Variants in RBFOX1 observed in about 807,000 individuals in gnomAD.
RBFOX1 encodes RNA binding fox-1 homolog 1, also known as RNA binding protein fox-1 homolog 1.
In RBFOX1, 8 loss-of-function variants were observed where a neutral mutation model predicts 57.7. The ratio of observed to expected loss-of-function variants is 0.14; its 90% confidence interval spans 0.08 to 0.25. The LOEUF (loss-of-function observed/expected upper bound fraction) is 0.25. RBFOX1 is among the 10% of genes least tolerant of loss of function. The probability of loss-of-function intolerance (pLI) is 1.00; values close to 1 mark genes in which losing one functional copy is unlikely to be tolerated. For synonymous variants in RBFOX1, 326 were observed against 222.4 expected, an observed-to-expected ratio of 1.47 and a Z score of -4.15; for missense variants, 611 against 548.5, an observed-to-expected ratio of 1.11 and a Z score of -1.14.
chr16:6,268,327 C>G (rs1162262479), intron 1 of RBFOX1, among the ~76,000 whole-genome samples: 3 of 152,216 alleles, frequency 2.0e-5, no homozygotes, highest in Admixed American at 2.0e-4. Context: ...GTGATGACCT[C>G]TGCTCCCATC....
At chr16:5,961,391 A>G (rs576951559) in intron 4 of RBFOX1, among the ~76,000 whole-genome samples, 20 of 152,186 alleles carry the variant, frequency 1.3e-4, no homozygotes, top group Non-Finnish European at 2.2e-4. Context: ...CCAGAACCTA[A>G]ATTCGGGTGG....
chr16:5,715,083 C>T (rs913795454), intron 3 of RBFOX1, among the ~76,000 whole-genome samples: 19 of 152,304 alleles, frequency 1.2e-4, no homozygotes, highest in African/African-American at 2.4e-4. Flanking sequence ...TTGACGCAGC[C>T]GCCTTGTTTA....
intron 1 of RBFOX1, among the ~76,000 whole-genome samples, chr16:6,221,294 A>G (rs897102387): frequency 1.3e-5 from 2 of 152,198 alleles, no homozygotes; most frequent in African/African-American, 4.8e-5. Context: ...TTTTCCTAAT[A>G]GAAACTGTAT....
intron 3 of RBFOX1, among the ~76,000 whole-genome samples, chr16:6,864,939 A>G (rs969341889): frequency 6.6e-6 from 1 of 151,542 alleles, no homozygotes; most frequent in Non-Finnish European, 1.5e-5. Context: ...ACAAAGGTCA[A>G]AAATAAGCCC....
chr16:5,307,305 A>G (rs1013077841), intron 1 of RBFOX1, among the ~76,000 whole-genome samples: 2 of 152,108 alleles, frequency 1.3e-5, no homozygotes, highest in Non-Finnish European at 2.9e-5. Context: ...ACCTGGTTTT[A>G]CTTCTCTTGA....
chr16:6,397,570 A>G (rs28638378), intron 2 of RBFOX1, among the ~76,000 whole-genome samples: 55,938 of 152,090 alleles, frequency 0.37, 11,556 homozygotes, highest in African/African-American at 0.57. Flanking sequence ...GTGAAAGGAA[A>G]TGATGCTAGG....
intron 1 of RBFOX1, among the ~76,000 whole-genome samples, chr16:6,276,756 A>G (rs1171545152): frequency 6.6e-6 from 1 of 151,802 alleles, no homozygotes; most frequent in Non-Finnish European, 1.5e-5. Context: ...ATTCTTTATC[A>G]CAGCATCCTG....
chr16:7,207,372 T>C (rs1204690804), intron 4 of RBFOX1, among the ~76,000 whole-genome samples: 4 of 152,160 alleles, frequency 2.6e-5, no homozygotes, highest in Admixed American at 2.0e-4. Flanking sequence ...TCCAAGAATC[T>C]TTATTTCTCT....
At chr16:7,245,901 T>G (rs1051672958) in intron 4 of RBFOX1, among the ~76,000 whole-genome samples, 8 of 152,178 alleles carry the variant, frequency 5.3e-5, no homozygotes, top group African/African-American at 1.9e-4. Flanking sequence ...CAAATAGATA[T>G]TCAATTCTCC....
chr16:6,924,653 A>G (rs1267537482), intron 3 of RBFOX1, among the ~76,000 whole-genome samples: 1 of 151,262 alleles, frequency 6.6e-6, no homozygotes, highest in Non-Finnish European at 1.5e-5. Context: ...ACTGTGATAA[A>G]ATATTTCTAC....
At chr16:7,430,879 C>T (rs868670037) in intron 4 of RBFOX1, among the ~76,000 whole-genome samples, 13 of 152,172 alleles carry the variant, frequency 8.5e-5, no homozygotes, top group African/African-American at 2.4e-4. Context: ...TATTAAATAA[C>T]GTGTATGATG....
At chr16:5,664,440 C>G (rs973041821) in intron 3 of RBFOX1, among the ~76,000 whole-genome samples, 1 of 151,922 alleles carries the variant, frequency 6.6e-6, no homozygotes, top group Admixed American at 6.6e-5. Context: ...GCCAGCTACT[C>G]GGGAGGCTGA....
chr16:6,234,376 C>T (rs981523234), intron 1 of RBFOX1, among the ~76,000 whole-genome samples: 1 of 152,156 alleles, frequency 6.6e-6, no homozygotes, highest in East Asian at 1.9e-4. Context: ...TGATTATTAT[C>T]TTCCTTCCAA....
chr16:6,262,388 G>A (rs1333225250), intron 1 of RBFOX1, among the ~76,000 whole-genome samples: 2 of 152,122 alleles, frequency 1.3e-5, no homozygotes, highest in African/African-American at 4.8e-5. Flanking sequence ...TAGATATTAT[G>A]GCGGTGGGGG....
chr16:6,662,470 A>G (rs536836598), intron 3 of RBFOX1, among the ~76,000 whole-genome samples: 2 of 152,264 alleles, frequency 1.3e-5, no homozygotes, highest in South Asian at 2.1e-4. Flanking sequence ...AGAGGAACAC[A>G]TTTTCCTGCA....
intron 1 of RBFOX1, among the ~76,000 whole-genome samples, chr16:6,082,662 A>C (rs569684332): frequency 6.9e-4 from 105 of 152,158 alleles, no homozygotes; most frequent in Middle Eastern, 3.4e-3. Context: ...ACGGAATGAT[A>C]AGCTTTGCTT....
At chr16:5,386,779 G>T (rs1358981136) in intron 1 of RBFOX1, among the ~76,000 whole-genome samples, 2 of 152,278 alleles carry the variant, frequency 1.3e-5, no homozygotes, top group East Asian at 3.9e-4. Context: ...GGCCAGGCGT[G>T]GTGGCTCACA....
chr16:6,986,934 C>T (rs1479634558), intron 3 of RBFOX1, among the ~76,000 whole-genome samples: 1 of 152,140 alleles, frequency 6.6e-6, no homozygotes, highest in Non-Finnish European at 1.5e-5. Context: ...TGCTCACCTG[C>T]CCACCCCGCC....
At chr16:5,794,452 C>G (rs554791415) in intron 3 of RBFOX1, among the ~76,000 whole-genome samples, 33 of 152,046 alleles carry the variant, frequency 2.2e-4, no homozygotes, top group African/African-American at 7.2e-4. Context: ...ATTACAAACA[C>G]CAAAATGTCT....
Sources: allele counts gnomAD v4.1 joint callset (sites outside exome capture counted in the v4.1 genomes callset), GRCh38; gene constraint gnomAD v4.1.1; transcripts MANE v1.5; gene names NCBI Gene and HGNC (gene_info 2026-07-23, HGNC 2026-07-21).